Variants in BIVM observed in about 807,000 individuals in gnomAD.
The protein encoded by BIVM is basic immunoglobulin-like variable motif-containing protein.
In BIVM, 31 loss-of-function variants were observed where a neutral mutation model predicts 61.4. The ratio of observed to expected loss-of-function variants is 0.51; its 90% confidence interval spans 0.38 to 0.68. The LOEUF (loss-of-function observed/expected upper bound fraction) is 0.68. Among genes scored for constraint, BIVM ranks in the 30% least tolerant of loss-of-function variants. BIVM has a pLI of 0.00. For synonymous variants in BIVM, 189 were observed against 210.7 expected (o/e 0.90, Z 0.89); for missense variants, 526 against 596.0 (o/e 0.88, Z 1.22).
intron 3 of BIVM, among the ~76,000 whole-genome samples, chr13:102,809,308 AT>A (rs1418637553): frequency 5.9e-5 from 9 of 152,236 alleles, no homozygotes; most frequent in Non-Finnish European, 1.3e-4. Context: ...ATTTCTAGAT[AT>A]TAATAGTTTT....
At chr13:102,833,680 C>T (rs1031532348) in intron 8 of BIVM, among the ~76,000 whole-genome samples, 1 of 152,138 alleles carries the variant, frequency 6.6e-6, no homozygotes, top group Non-Finnish European at 1.5e-5. Flanking sequence ...TCAAAGGCCC[C>T]TCGGGTTTGG....
intron 9 of BIVM, 115 bp downstream of exon 9, chr13:102,834,667 C>T: frequency 1.1e-6 from 1 of 930,548 alleles, no homozygotes; most frequent in South Asian, 2.2e-5. Flanking sequence ...GTATAATCAC[C>T]ACCCAAACAG....
chr13:102,805,746 A>G (rs55672368), intron 2 of BIVM, among the ~76,000 whole-genome samples: 101 of 152,270 alleles, frequency 6.6e-4, no homozygotes, highest in African/African-American at 2.3e-3. Flanking sequence ...ATATAAATAG[A>G]ATAATACACT....
intron 5 of BIVM, 82 bp downstream of exon 5, chr13:102,821,214 A>G (rs1880252491): frequency 7.3e-6 from 9 of 1,231,488 alleles, no homozygotes; most frequent in Non-Finnish European, 9.0e-6. Flanking sequence ...AAATTTAAGA[A>G]TAGATTTTTT....
intron 3 of BIVM, among the ~76,000 whole-genome samples, chr13:102,810,853 T>C (rs1390510621): frequency 2.0e-5 from 3 of 152,200 alleles, no homozygotes; most frequent in African/African-American, 4.8e-5. Context: ...TTCAGCCTTC[T>C]GAGTAGCTGG....
intron 1 of BIVM, among the ~76,000 whole-genome samples, chr13:102,800,042 C>T (rs1205211388): frequency 2.0e-5 from 3 of 152,240 alleles, no homozygotes; most frequent in African/African-American, 7.2e-5. Flanking sequence ...GCCGCCTCCT[C>T]TGCCTGCCTC....
intron 3 of BIVM, among the ~76,000 whole-genome samples, chr13:102,808,754 A>C (rs993967191): frequency 1.2e-4 from 18 of 152,198 alleles, no homozygotes; most frequent in African/African-American, 4.3e-4. Flanking sequence ...TGTATTTATA[A>C]TTATGGAGTT....
Position 102,839,720 on chromosome 13 carries a change from A to G in BIVM, c.1367A>G (p.Asn456Ser), listed in dbSNP as rs368664383. 41 of 1,614,102 alleles carry G rather than the reference A, an allele frequency of 2.5e-5. No individual in the cohort carries two copies. Among genetic ancestry groups the G allele is most frequent in the Middle Eastern group, 1.6e-4 (1 of 6,084 alleles). ...ATTGCCAAATCTGAGAGTGAAGACA[A>G]TATTTCCAAGAAGCAGCATGGGCGT... ...QGIAKSESED[N>S]ISKKQHGRLG... Residue 456 changes from asparagine to serine, a missense_variant, in exon 11 of 11, where the codon AAT becomes AGT. Physicochemically the swap from Asn to Ser is conservative, Grantham distance 46. This residue lies in a region of BIVM where 210 missense variants were observed against 233.1 expected (regional missense o/e 0.90). Coordinates refer to ENST00000257336, the MANE Select transcript of BIVM (RefSeq NM_017693.4).
rs755857668 is a variant in BIVM, at chr13:102,807,412, G to A, written c.145G>A (p.Gly49Arg). 11 of 1,614,174 alleles carry A rather than the reference G, an allele frequency of 6.8e-6. No homozygotes were observed. The highest frequency in any genetic ancestry group is 9.3e-6 in the Non-Finnish European group (11 of 1,180,038). Residue 49 changes from glycine to arginine, a missense_variant, in exon 3 of 11, where the codon GGA becomes AGA. Transcript: ENST00000257336. This position sits in a 1 kb window ranked among gnomAD's most constrained non-coding sequence, Gnocchi z 4.0. The part of the protein sequence containing the change: ...SASGAPLGPK[G>R]DGHYPWSCPV... Reference sequence around the variant, plus strand: ...CTCAGGAGCACCCTTGGGTCCCAAAGGAGATGGTCATTATCCATGGAGTTG... The same window carrying A: ...CTCAGGAGCACCCTTGGGTCCCAAAAGAGATGGTCATTATCCATGGAGTTG...
At position 102,840,033 on chromosome 13, in the gene BIVM, G is replaced by A. The variant is rs982179208; in HGVS notation, c.*168G>A. 4 of 663,892 alleles carry A rather than the reference G, an allele frequency of 6.0e-6. No homozygotes were observed. The African/African-American group carries it at 7.3e-5, about 12-fold the overall frequency. 41.1% of individuals were successfully genotyped at this position (663,892 alleles called of 1,614,324 possible). ...TACTAAGCTTGTATATGATTATGGTGGGTGATTTCAGATATATAAGCAGAT... is the reference window on the plus strand; with the variant it reads ...TACTAAGCTTGTATATGATTATGGTAGGTGATTTCAGATATATAAGCAGAT... On this transcript the variant is annotated 3_prime_UTR_variant, in exon 11 of 11. Transcript: ENST00000257336.
chr13:102,826,710 T>A (rs1880697583), intron 7 of BIVM, among the ~76,000 whole-genome samples: 1 of 152,236 alleles, frequency 6.6e-6, no homozygotes, highest in Admixed American at 6.5e-5. Flanking sequence ...TAATTCCTTT[T>A]ACTTGTTTTC....
intron 4 of BIVM, among the ~76,000 whole-genome samples, chr13:102,819,582 A>G (rs1880096720): frequency 6.6e-6 from 1 of 152,164 alleles, no homozygotes; most frequent in Non-Finnish European, 1.5e-5. Context: ...GGGAGGGAAC[A>G]ACACACACTG....
intron 5 of BIVM, among the ~76,000 whole-genome samples, chr13:102,821,521 G>A (rs974669016): frequency 3.9e-5 from 6 of 152,098 alleles, no homozygotes; most frequent in African/African-American, 1.4e-4. Flanking sequence ...AGGATCACTT[G>A]AGCCCAGGAG....
chr13:102,821,738 T>C lies in BIVM; in HGVS notation c.702-5T>C. ...AATGAAAGGCAATGAATGTTTCTTT[T>C]GTAGCCTTCCACCTATTACCCAAGA... is the stretch of plus-strand genomic sequence containing the variant. On this transcript the variant is annotated splice_region_variant and splice_polypyrimidine_tract_variant and intron_variant, in intron 5 of 10. Transcript: ENST00000257336. 6.2e-7 allele frequency: 1 copy of C among 1,611,430 alleles called. No individual in the cohort carries two copies. Among genetic ancestry groups the C allele is most frequent in the Non-Finnish European group, 8.5e-7 (1 of 1,179,276 alleles).
intron 9 of BIVM, among the ~76,000 whole-genome samples, chr13:102,837,813 TATC>T (rs1293557416): frequency 1.3e-5 from 2 of 152,224 alleles, no homozygotes; most frequent in African/African-American, 4.8e-5. Flanking sequence ...GAAAGCCAAA[TATC>T]ATATGTTTTC....
rs1879874580 is a variant in BIVM, at chr13:102,816,471, A to C, written c.522A>C (p.Lys174Asn). The stretch of plus-strand genomic sequence containing the variant: ...TTTCCAAGAGAAAAACTTCAGATAA[A>C]AAGGGAAGATATCAGAAGGAATGTC... ...KQVSKRKTSD[K>N]KGRYQKECPQ... The change falls in exon 4 of 11, where the codon AAA (lysine) becomes AAC (asparagine). Residue 174 changes from lysine to asparagine, a missense_variant. Around this residue, in one of 3 missense-constraint regions of BIVM, gnomAD observed 312 missense variants for 343.8 expected, o/e 0.91. Transcript: ENST00000257336. 1.9e-6 allele frequency: 3 copies of C among 1,592,572 alleles called. No individual in the cohort carries two copies. The East Asian group carries it at 7.0e-5, about 37-fold the overall frequency.
In BIVM at chr13:102,807,360, T is replaced by C; in HGVS notation, c.93T>C (p.Gly31=). 6.2e-7 allele frequency: 1 copy of C among 1,614,150 alleles called. No individual in the cohort carries two copies. The highest frequency in any genetic ancestry group is 1.1e-5 in the South Asian group (1 of 91,080). The change falls in exon 3 of 11, where the codon GGT becomes GGC. Residue 31 remains glycine, a synonymous_variant. Coordinates refer to ENST00000257336, the MANE Select transcript of BIVM (RefSeq NM_017693.4). The surrounding 1 kb of genome is among the most constrained non-coding windows in gnomAD (Gnocchi z 4.0). ...AGTCACCTGAAGAGAATCTACAAGG[T>C]GCTGTAAAATCTTTCTGCACAAGTG... is the stretch of plus-strand genomic sequence containing the variant. ...ERKSPEENLQ[G]AVKSFCTSAS...
chr13:102,821,939 G>T, intron 6 of BIVM, 92 bp downstream of exon 6: 2 of 1,535,136 alleles, frequency 1.3e-6, no homozygotes, highest in Admixed American at 3.5e-5. Flanking sequence ...CATGTATCCA[G>T]CTGCTGGGCT....
Position 102,831,723 on chromosome 13 carries a change from T to C in BIVM, c.1034+26T>C, listed in dbSNP as rs1448673844. ...GTAAGCATTGACGTGTTTTAGAAAGTGCATTTTAAGAAATATTAAAAAATA... is the reference window on the plus strand; with the variant it reads ...GTAAGCATTGACGTGTTTTAGAAAGCGCATTTTAAGAAATATTAAAAAATA... On this transcript the variant is annotated intron_variant, in intron 8 of 10. Coordinates refer to ENST00000257336, the MANE Select transcript of BIVM (RefSeq NM_017693.4). The C allele has an allele frequency of 3.7e-6, 6 of 1,612,984 alleles. No homozygotes were observed. In the African/African-American group the frequency reaches 6.7e-5, roughly 18 times the overall value.
Sources: allele counts gnomAD v4.1 joint callset (sites outside exome capture counted in the v4.1 genomes callset), GRCh38; gene constraint gnomAD v4.1.1; regional missense constraint gnomAD v4.1.1; non-coding constraint Gnocchi (gnomAD v3.1); transcripts MANE v1.5; gene names NCBI Gene and HGNC (gene_info 2026-07-23, HGNC 2026-07-21).